LOC400499: variants seen among roughly 807,000 people sequenced by gnomAD.
At chr16:11,492,594 C>G in the LOC400499 span, among the ~76,000 whole-genome samples, 2 of 151,890 alleles carry the variant, frequency 1.3e-5, no homozygotes, top group African/African-American at 2.4e-5. Flanking sequence ...ACCATCCTGG[C>G]TAACACGGTG....
the LOC400499 span, among the ~76,000 whole-genome samples, chr16:11,444,925 TAA>T: frequency 6.6e-6 from 1 of 151,522 alleles, no homozygotes; most frequent in African/African-American, 2.4e-5. Context: ...CTACTAAAAA[TAA>T]AAATAAAAAA....
chr16:11,500,234 G>A, the LOC400499 span, among the ~76,000 whole-genome samples: 6 of 152,242 alleles, frequency 3.9e-5, no homozygotes, highest in South Asian at 2.1e-4. Flanking sequence ...ACAGTCGGGC[G>A]TGGTGGCTCA....
the LOC400499 span, among the ~76,000 whole-genome samples, chr16:11,422,488 A>G: frequency 6.6e-6 from 1 of 152,204 alleles, no homozygotes; most frequent in African/African-American, 2.4e-5. Flanking sequence ...AAAAGAAAGG[A>G]AAACAAACAG....
the LOC400499 span, chr16:11,461,164 G>A: frequency 6.7e-7 from 1 of 1,491,232 alleles, no homozygotes; most frequent in Non-Finnish European, 8.9e-7. Flanking sequence ...AGCCCCCAGG[G>A]ACCAGCACCC....
the LOC400499 span, among the ~76,000 whole-genome samples, chr16:11,513,350 G>A: frequency 8.8e-5 from 13 of 148,116 alleles, no homozygotes; most frequent in African/African-American, 2.8e-4. Flanking sequence ...AGACTACAGT[G>A]AGCCATGATC....
chr16:11,493,782 C>A, the LOC400499 span: 2,351 of 387,330 alleles, frequency 6.1e-3, 27 homozygotes, highest in Non-Finnish European at 8.5e-3. Flanking sequence ...CGACTGCCTT[C>A]AGCACAAGCT....
the LOC400499 span, among the ~76,000 whole-genome samples, chr16:11,373,759 A>G: frequency 6.6e-6 from 1 of 152,158 alleles, no homozygotes; most frequent in Non-Finnish European, 1.5e-5. Context: ...AGCTGGGATT[A>G]CAGGTACATG....
chr16:11,400,884 C>G, the LOC400499 span, among the ~76,000 whole-genome samples: 3 of 152,162 alleles, frequency 2.0e-5, no homozygotes, highest in African/African-American at 7.2e-5. Flanking sequence ...ACCTGAGTCT[C>G]AGAGAGGCGA....
At chr16:11,414,664 G>A in the LOC400499 span, 13 of 397,738 alleles carry the variant, frequency 3.3e-5, no homozygotes, top group Non-Finnish European at 5.3e-5. Flanking sequence ...TGCTGGGTGG[G>A]GTCAACCCCT....
the LOC400499 span, among the ~76,000 whole-genome samples, chr16:11,426,125 T>C: frequency 6.6e-6 from 1 of 152,210 alleles, no homozygotes; most frequent in African/African-American, 2.4e-5. Flanking sequence ...TTTGACTATA[T>C]TCAACACCCA....
the LOC400499 span, chr16:11,412,771 G>A: frequency 1.3e-5 from 5 of 398,058 alleles, no homozygotes; most frequent in African/African-American, 4.1e-5. Context: ...TGTGTCCAGC[G>A]ATGGTGCACA....
At chr16:11,437,252 T>A in the LOC400499 span, among the ~76,000 whole-genome samples, 1 of 152,174 alleles carries the variant, frequency 6.6e-6, no homozygotes, top group African/African-American at 2.4e-5. Context: ...CATTACGTTG[T>A]ATCAATCTGT....
At chr16:11,510,579 C>T in the LOC400499 span, among the ~76,000 whole-genome samples, 4 of 151,652 alleles carry the variant, frequency 2.6e-5, no homozygotes, top group Admixed American at 6.6e-5. Flanking sequence ...CTTGACTAGG[C>T]TTTTTCCCCA....
chr16:11,497,925 A>G, the LOC400499 span, among the ~76,000 whole-genome samples: 102,110 of 151,912 alleles, frequency 0.67, 34,456 homozygotes, highest in Admixed American at 0.74. Flanking sequence ...GTCTGTTTAA[A>G]ATACTCACTT....
chr16:11,412,875 C>G, the LOC400499 span: 1 of 398,992 alleles, frequency 2.5e-6, no homozygotes, highest in Non-Finnish European at 4.4e-6. Flanking sequence ...ACGTCAAGGA[C>G]CAAGGTGGCC....
At chr16:11,383,373 G>A in the LOC400499 span, among the ~76,000 whole-genome samples, 1 of 152,142 alleles carries the variant, frequency 6.6e-6, no homozygotes, top group Non-Finnish European at 1.5e-5. Flanking sequence ...AGCCTTGCCA[G>A]CTTCTTTTTA....
chr16:11,463,841 A>G, the LOC400499 span, among the ~76,000 whole-genome samples: 2 of 152,012 alleles, frequency 1.3e-5, no homozygotes, highest in African/African-American at 4.8e-5. Flanking sequence ...GTTTATGGAC[A>G]TGTATGTGTG....
chr16:11,469,727 A>G, the LOC400499 span: 4 of 398,616 alleles, frequency 1.0e-5, no homozygotes, highest in South Asian at 2.6e-4. Context: ...AGACACTCAC[A>G]TTGTTGTCCT....
At chr16:11,442,944 T>C in the LOC400499 span, among the ~76,000 whole-genome samples, 5 of 152,100 alleles carry the variant, frequency 3.3e-5, no homozygotes, top group African/African-American at 4.8e-5. Flanking sequence ...GTTTAACTAA[T>C]GGTGAAGGGA....
Sources: allele counts gnomAD v4.1 joint callset (sites outside exome capture counted in the v4.1 genomes callset), GRCh38; gene constraint gnomAD v4.1.1; transcripts MANE v1.5.